Variants in KCNQ5 observed in about 807,000 individuals in gnomAD.
KCNQ5 encodes potassium voltage-gated channel subfamily KQT member 5.
A neutral mutation model predicts 98.2 loss-of-function variants in KCNQ5; 30 were observed. The observed-to-expected ratio is 0.31, with a 90% CI of 0.23 to 0.41. The LOEUF (loss-of-function observed/expected upper bound fraction) is 0.41, where lower values mean the gene tolerates loss of function less well. Among genes scored for constraint, KCNQ5 ranks in the 10% least tolerant of loss-of-function variants. The pLI is 1.00. For missense variants in KCNQ5, 835 were observed against 1,182.5 expected (o/e 0.71, Z 4.31); for synonymous variants, 458 against 449.4 (o/e 1.02, Z -0.24).
At chr6:72,662,342 C>T (rs1391365938) in intron 1 of KCNQ5, among the ~76,000 whole-genome samples, 2 of 152,026 alleles carry the variant, frequency 1.3e-5, no homozygotes, top group African/African-American at 2.4e-5. Context: ...AAATTTTGTA[C>T]TTTCCTTGTA....
At chr6:73,009,593 T>G (rs955360022) in intron 2 of KCNQ5, among the ~76,000 whole-genome samples, 5 of 151,834 alleles carry the variant, frequency 3.3e-5, no homozygotes, top group Non-Finnish European at 5.9e-5. Context: ...AAACCAAAAG[T>G]TGGCTGTTAG....
intron 1 of KCNQ5, among the ~76,000 whole-genome samples, chr6:72,966,689 C>T (rs779324269): frequency 6.6e-6 from 1 of 152,206 alleles, no homozygotes; most frequent in Non-Finnish European, 1.5e-5. Flanking sequence ...AGTATGGAAA[C>T]AGAAACATGG....
chr6:72,787,249 T>C (rs990714514), intron 1 of KCNQ5, among the ~76,000 whole-genome samples: 1 of 152,174 alleles, frequency 6.6e-6, no homozygotes, highest in Non-Finnish European at 1.5e-5. Flanking sequence ...AAAATTCAAA[T>C]GTCATTGTCT....
intron 11 of KCNQ5, among the ~76,000 whole-genome samples, chr6:73,187,846 C>T (rs74701293): frequency 3.1e-4 from 47 of 152,112 alleles, no homozygotes; most frequent in Non-Finnish European, 6.0e-4. Context: ...TCAAAATGTA[C>T]TTTCTGTTAA....
intron 3 of KCNQ5, among the ~76,000 whole-genome samples, chr6:73,050,635 A>T (rs1468639136): frequency 6.6e-6 from 1 of 152,168 alleles, no homozygotes; most frequent in African/African-American, 2.4e-5. Context: ...ATTTTCTCAC[A>T]TGTATATATG....
intron 1 of KCNQ5, among the ~76,000 whole-genome samples, chr6:72,731,042 T>C (rs1770528671): frequency 6.6e-6 from 1 of 152,218 alleles, no homozygotes; most frequent in Admixed American, 6.5e-5. Flanking sequence ...CTATTTCTGA[T>C]TCTATTTATG....
chr6:73,148,090 A>G (rs1776994055), intron 10 of KCNQ5, among the ~76,000 whole-genome samples: 1 of 152,230 alleles, frequency 6.6e-6, no homozygotes, highest in Non-Finnish European at 1.5e-5. Flanking sequence ...ATGGGCAGTT[A>G]CTAGATGTAT....
intron 10 of KCNQ5, among the ~76,000 whole-genome samples, chr6:73,158,773 A>G (rs768524642): frequency 1.3e-5 from 2 of 152,200 alleles, no homozygotes; most frequent in Non-Finnish European, 2.9e-5. Flanking sequence ...ATACTATTGT[A>G]CATAGTTATA....
At chr6:73,186,540 GT>G (rs1778577612) in intron 11 of KCNQ5, among the ~76,000 whole-genome samples, 1 of 152,146 alleles carries the variant, frequency 6.6e-6, no homozygotes. Flanking sequence ...TGTCATAGCT[GT>G]TTTCAAACTA....
At chr6:73,023,214 G>A (rs1343582421) in intron 2 of KCNQ5, among the ~76,000 whole-genome samples, 1 of 152,166 alleles carries the variant, frequency 6.6e-6, no homozygotes, top group Non-Finnish European at 1.5e-5. Context: ...GGTGTTTGAG[G>A]TGAGAGGCTG....
chr6:72,721,708 T>C (rs1050215222), intron 1 of KCNQ5, among the ~76,000 whole-genome samples: 28 of 152,340 alleles, frequency 1.8e-4, no homozygotes, highest in African/African-American at 6.7e-4. Context: ...ACCACTGTTA[T>C]AGATGAATTG....
chr6:72,938,494 C>A (rs961912456), intron 1 of KCNQ5, among the ~76,000 whole-genome samples: 1 of 152,160 alleles, frequency 6.6e-6, no homozygotes, highest in Admixed American at 6.5e-5. Context: ...ATTTTCCTGC[C>A]TCAGCCTCCC....
At chr6:72,897,429 C>T (rs1420623264) in intron 1 of KCNQ5, among the ~76,000 whole-genome samples, 2 of 152,084 alleles carry the variant, frequency 1.3e-5, no homozygotes, top group African/African-American at 4.8e-5. Context: ...GTAATCCCAG[C>T]TTCTTGGGAG....
At position 72,838,949 on chromosome 6, in the gene KCNQ5, C is replaced by CAAAAA. The variant is rs67894922; in HGVS notation, c.399-164940_399-164936dup. ...TGGGCGACAGAGCGAGACTCCGTCT[C>CAAAAA]AAAAAAAAAAAAAAAAAAAAAAAGA... On this transcript the variant is annotated intron_variant, in intron 1 of 13. Transcript: ENST00000370398. Among the ~76,000 whole-genome samples the CAAAAA allele has an allele frequency of 6.9e-3, 405 of 58,650 alleles. 25 individuals are homozygous for CAAAAA. The highest frequency in any genetic ancestry group is 0.018 in the African/African-American group (282 of 15,990). The allele number at this position is 58,650 out of a possible 152,430, so 38.5% of individuals were successfully genotyped here. A position where few individuals can be genotyped will look rare whatever the true frequency, so the allele number is the denominator to read the frequency against.
At chr6:72,856,836 A>T (rs1187862827) in intron 1 of KCNQ5, among the ~76,000 whole-genome samples, 1 of 152,216 alleles carries the variant, frequency 6.6e-6, no homozygotes, top group African/African-American at 2.4e-5. Flanking sequence ...AACTCTGGTG[A>T]TGTAGCTGCA....
At position 73,136,972 on chromosome 6, in the gene KCNQ5, C is replaced by T. The variant is rs531842616; in HGVS notation, c.1468+3331C>T. Among the ~76,000 whole-genome samples the T allele has an allele frequency of 3.3e-5, 5 of 152,092 alleles. No homozygotes were observed. In the South Asian group the frequency reaches 8.3e-4, roughly 25 times the overall value. On this transcript the variant is annotated intron_variant, in intron 10 of 13. Transcript: ENST00000370398. ...CTCACATATTTTCAGCATTCCATTG[C>T]CCATTAACATGCTCAGGAGAATAGA...
chr6:72,626,845 T>A (rs1479877833), intron 1 of KCNQ5, among the ~76,000 whole-genome samples: 1 of 152,132 alleles, frequency 6.6e-6, no homozygotes, highest in Non-Finnish European at 1.5e-5. Flanking sequence ...CAAAGAAATG[T>A]TAAGGAGATA....
At chr6:72,797,526 G>C (rs1774406347) in intron 1 of KCNQ5, among the ~76,000 whole-genome samples, 1 of 151,002 alleles carries the variant, frequency 6.6e-6, no homozygotes, top group Non-Finnish European at 1.5e-5. Context: ...AAAGTGTTTA[G>C]TATAAATACT....
chr6:72,963,679 T>C (rs1767479221), intron 1 of KCNQ5, among the ~76,000 whole-genome samples: 2 of 152,118 alleles, frequency 1.3e-5, no homozygotes, highest in Non-Finnish European at 2.9e-5. Flanking sequence ...TATTTATTTA[T>C]TGAGATAGAA....
Sources: allele counts gnomAD v4.1 joint callset (sites outside exome capture counted in the v4.1 genomes callset), GRCh38; gene constraint gnomAD v4.1.1; transcripts MANE v1.5; gene names NCBI Gene and HGNC (gene_info 2026-07-23, HGNC 2026-07-21).